The following ANKMY1 variants were observed in gnomAD, a reference collection of about 807,000 sequenced individuals.
ANKMY1 encodes ankyrin repeat and MYND domain containing 1.
Under a neutral mutation model 102.0 loss-of-function variants are expected in ANKMY1, and 98 were observed. The observed-to-expected ratio is 0.96, with a 90% confidence interval of 0.82 to 1.14. The LOEUF (loss-of-function observed/expected upper bound fraction) is 1.14. ANKMY1 is among the 50% of genes most tolerant of loss of function. The pLI, the probability that ANKMY1 is intolerant of heterozygous loss-of-function variation, is 0.00. For missense variants in ANKMY1, 1,330 were observed against 1,347.6 expected (o/e 0.99, Z 0.20); for synonymous variants, 582 against 559.9 (o/e 1.04, Z -0.56).
chr2:240,503,949 G>A (rs1405557732), intron 13 of ANKMY1, among the ~76,000 whole-genome samples: 2 of 152,206 alleles, frequency 1.3e-5, no homozygotes, highest in Admixed American at 6.5e-5. Context: ...GAGGGCAGAG[G>A]TGGCCACCAA....
intron 15 of ANKMY1, among the ~76,000 whole-genome samples, chr2:240,482,470 A>C (rs1229517589): frequency 6.6e-6 from 1 of 152,250 alleles, no homozygotes; most frequent in African/African-American, 2.4e-5. Flanking sequence ...CACAGGCTCC[A>C]GGGAGGGGCT....
Position 240,553,041 on chromosome 2 carries a change from AACTGCCCATGGTATG to A in ANKMY1, c.338_352del (p.Ser113_Gln117del). 1 of 1,613,842 alleles carries A rather than the reference AACTGCCCATGGTATG, an allele frequency of 6.2e-7. No homozygotes were observed. The highest frequency in any genetic ancestry group is 2.2e-5 in the East Asian group (1 of 44,864). On this transcript the variant is annotated inframe_deletion and splice_region_variant, in exon 4 of 18. Transcript: ENST00000401804. Reference sequence around the variant, plus strand: ...CAGGCCATGGCAGTGGTCCCGGTAAAACTGCCCATGGTATGACTGTGAGATGGAGAAGTTGGTGAG... The same window carrying A: ...CAGGCCATGGCAGTGGTCCCGGTAAAACTGTGAGATGGAGAAGTTGGTGAG...
intron 15 of ANKMY1, among the ~76,000 whole-genome samples, chr2:240,487,561 G>A (rs1162739362): frequency 6.6e-6 from 1 of 151,640 alleles, no homozygotes; most frequent in South Asian, 2.1e-4. Context: ...GTTTTCCATA[G>A]TGCCTGTACT....
intron 9 of ANKMY1, among the ~76,000 whole-genome samples, chr2:240,513,681 G>A (rs547156608): frequency 1.2e-4 from 18 of 152,354 alleles, no homozygotes; most frequent in African/African-American, 2.4e-4. Flanking sequence ...CCCATCCACC[G>A]GTGACCAAGG....
At chr2:240,469,665 T>TA in the ANKMY1 span, among the ~76,000 whole-genome samples, 1 of 81,142 alleles carries the variant, frequency 1.2e-5, no homozygotes, top group Non-Finnish European at 2.7e-5. Flanking sequence ...ACATGTGCAC[T>TA]CCACATTTAC....
upstream of ANKMY1, chr2:240,560,941 G>A (rs373908074): frequency 1.8e-4 from 278 of 1,534,638 alleles, 1 homozygote; most frequent in East Asian, 5.8e-3. Context: ...GAGCCCACGT[G>A]CGCCGCCATG....
chr2:240,476,616 C>T (rs114525005), downstream of ANKMY1, among the ~76,000 whole-genome samples: 185 of 152,234 alleles, frequency 1.2e-3, 1 homozygote, highest in African/African-American at 4.3e-3. Context: ...CAGAAGGGGC[C>T]CCTACGGCAA....
intron 2 of ANKMY1, among the ~76,000 whole-genome samples, chr2:240,556,413 C>T (rs576912172): frequency 6.6e-6 from 1 of 152,290 alleles, no homozygotes; most frequent in African/African-American, 2.4e-5. Flanking sequence ...GACATGCAGG[C>T]TCCTAGCTAA....
chr2:240,492,691 G>C (rs1301494164), intron 15 of ANKMY1, among the ~76,000 whole-genome samples: 1 of 151,922 alleles, frequency 6.6e-6, no homozygotes, highest in African/African-American at 2.4e-5. Context: ...CAATTATTTT[G>C]AATTTTTTTT....
chr2:240,560,863 C>G, upstream of ANKMY1: 1 of 1,358,100 alleles, frequency 7.4e-7, no homozygotes, highest in South Asian at 1.6e-5. Flanking sequence ...GGCCCGCGCG[C>G]GCCCGGCGTG....
intron 4 of ANKMY1, among the ~76,000 whole-genome samples, chr2:240,533,677 G>A (rs966859175): frequency 6.7e-6 from 1 of 150,060 alleles, no homozygotes; most frequent in Non-Finnish European, 1.5e-5. Context: ...GACAATGCAG[G>A]TCTAAATGAC....
At chr2:240,483,315 C>A (rs1413807036) in intron 15 of ANKMY1, among the ~76,000 whole-genome samples, 1 of 152,150 alleles carries the variant, frequency 6.6e-6, no homozygotes, top group Non-Finnish European at 1.5e-5. Context: ...CACCACCACA[C>A]CCAGCTAATT....
chr2:240,539,445 C>T (rs754694713), intron 4 of ANKMY1, among the ~76,000 whole-genome samples: 4 of 152,150 alleles, frequency 2.6e-5, no homozygotes, highest in African/African-American at 4.8e-5. Context: ...ACTATGAACA[C>T]GTCCAAACAT....
chr2:240,534,336 G>A (rs80336732), intron 4 of ANKMY1, among the ~76,000 whole-genome samples: 1 of 152,198 alleles, frequency 6.6e-6, no homozygotes, highest in Admixed American at 6.5e-5. Context: ...GATTTTTTTA[G>A]TGGCTCATGC....
At chr2:240,526,877 A>T in intron 5 of ANKMY1, 1 of 1,148,664 alleles carries the variant, frequency 8.7e-7, no homozygotes, top group Non-Finnish European at 1.1e-6. Context: ...GACAACATGC[A>T]TTATCTCATG....
chr2:240,557,430 G>T (rs989649168), intron 1 of ANKMY1, 78 bp from the exon 2 acceptor site: 7 of 1,393,536 alleles, frequency 5.0e-6, no homozygotes, highest in South Asian at 1.7e-5. Flanking sequence ...GGCCCGGCCC[G>T]CGGCCCCTGA....
At chr2:240,505,582 G>C (rs1387588713) in intron 13 of ANKMY1, among the ~76,000 whole-genome samples, 2 of 152,324 alleles carry the variant, frequency 1.3e-5, no homozygotes, top group African/African-American at 2.4e-5. Flanking sequence ...CATTGGCTGA[G>C]GGGGAGGGCA....
chr2:240,560,864 G>A, upstream of ANKMY1: 1 of 1,360,482 alleles, frequency 7.4e-7, no homozygotes, highest in East Asian at 3.0e-5. Flanking sequence ...GCCCGCGCGC[G>A]CCCGGCGTGG....
downstream of ANKMY1, among the ~76,000 whole-genome samples, chr2:240,478,635 A>T (rs1223785762): frequency 6.6e-6 from 1 of 152,094 alleles, no homozygotes; most frequent in African/African-American, 2.4e-5. Context: ...CCCTCTGCCC[A>T]GGCTCACTGC....
Sources: gnomAD v4.1 joint callset for allele counts (sites outside exome capture counted in the v4.1 genomes callset) on GRCh38, gnomAD v4.1.1 for gene constraint, MANE v1.5 for transcripts, NCBI Gene and HGNC (gene_info 2026-07-23, HGNC 2026-07-21) for gene names.